Variants in RAB11FIP3 observed in about 807,000 individuals in gnomAD.
RAB11FIP3 encodes the protein RAB11 family interacting protein 3.
RAB11FIP3 carries 17 observed loss-of-function variants against 77.8 expected under a neutral mutation model. The observed-to-expected ratio is 0.22, with a 90% CI of 0.15 to 0.33. The LOEUF (loss-of-function observed/expected upper bound fraction) is 0.33, where lower values mean the gene tolerates loss of function less well. RAB11FIP3 is among the 10% of genes least tolerant of loss of function. The probability of loss-of-function intolerance (pLI) is 1.00; values close to 1 mark genes in which losing one functional copy is unlikely to be tolerated. For missense variants in RAB11FIP3, 1,005 were observed against 1,011.2 expected, an observed-to-expected ratio of 0.99 and a Z score of 0.08; for synonymous variants, 437 against 448.2, an observed-to-expected ratio of 0.98 and a Z score of 0.31.
rs1401650857 is a variant in RAB11FIP3, at chr16:467,503, C to A, written c.809-3792C>A. Among the ~76,000 whole-genome samples the A allele has an allele frequency of 2.7e-4, 34 of 127,500 alleles. No individual in the cohort carries two copies. The South Asian group carries it at 3.2e-3, about 12-fold the overall frequency. 83.6% of individuals were successfully genotyped at this position (127,500 alleles called of 152,430 possible). ...GGACGTCAGGGAGGAGGTGCAGGGG[C>A]GTCAGGGAGGAGGTGCGGGGGCGTC... On this transcript the variant is annotated intron_variant, in intron 2 of 13. Coordinates refer to ENST00000262305, the MANE Select transcript of RAB11FIP3 (RefSeq NM_014700.4).
At chr16:445,113 CAAAAAA>C (rs56706849) in intron 1 of RAB11FIP3, among the ~76,000 whole-genome samples, 1 of 70,828 alleles carries the variant, frequency 1.4e-5, no homozygotes, top group East Asian at 4.1e-4. Context: ...GACTCTGTCT[CAAAAAA>C]AAAAAAAAAA....
intron 5 of RAB11FIP3, among the ~76,000 whole-genome samples, chr16:495,533 G>C (rs533154728): frequency 9.8e-5 from 15 of 152,356 alleles, no homozygotes; most frequent in South Asian, 4.1e-4. Flanking sequence ...GAGACTGCAG[G>C]TGTCGGAGGG....
intron 3 of RAB11FIP3, among the ~76,000 whole-genome samples, chr16:479,662 C>A (rs1458956686): frequency 6.6e-6 from 1 of 152,184 alleles, no homozygotes; most frequent in Non-Finnish European, 1.5e-5. Context: ...GTAGCTCACA[C>A]CCATAGTTCT....
chr16:518,361 G>A (rs955442448), intron 9 of RAB11FIP3, among the ~76,000 whole-genome samples: 4 of 152,178 alleles, frequency 2.6e-5, no homozygotes, highest in Admixed American at 1.3e-4. Context: ...GATTACAGGC[G>A]TAAGCCACTG....
chr16:488,709 C>A, intron 4 of RAB11FIP3, 142 bp from the exon 5 acceptor site: 1 of 668,880 alleles, frequency 1.5e-6, no homozygotes, highest in Non-Finnish European at 2.2e-6. Flanking sequence ...GCATCCAGCC[C>A]ACTTTTTTTT....
rs1282803444 is a variant in RAB11FIP3 at position 426,108 on chromosome 16, G to C, written c.102G>C (p.Pro34=). Residue 34 remains proline (P), a synonymous_variant, in exon 1 of 14, where the codon CCG becomes CCC. Transcript: ENST00000262305. The surrounding 1 kb of genome is among the most constrained non-coding windows in gnomAD (Gnocchi z 5.0). ...PDGPGAAQLA[P]GPAELRLGAP... is the part of the protein sequence containing the mutation. ...GGCCGGGGGCGGCACAACTGGCTCC[G>C]GGCCCTGCGGAGCTACGCCTCGGAG... 1.9e-5 allele frequency: 19 copies of C among 1,005,614 alleles called. No individual in the cohort carries two copies. The highest frequency in any genetic ancestry group is 2.2e-5 in the Non-Finnish European group (19 of 844,878). 62.3% of individuals were successfully genotyped at this position (1,005,614 alleles called of 1,614,324 possible). A position where few individuals can be genotyped will look rare whatever the true frequency, so the allele number is the denominator to read the frequency against.
At chr16:431,050 A>C (rs2055027126) in intron 1 of RAB11FIP3, among the ~76,000 whole-genome samples, 1 of 151,888 alleles carries the variant, frequency 6.6e-6, no homozygotes, top group Non-Finnish European at 1.5e-5. Context: ...ATTTGAGTGA[A>C]AGTGTGTGTG....
At chr16:455,844 G>A (rs1439048602) in intron 1 of RAB11FIP3, among the ~76,000 whole-genome samples, 1 of 152,150 alleles carries the variant, frequency 6.6e-6, no homozygotes, top group African/African-American at 2.4e-5. Context: ...ATCCGCCTTG[G>A]CATTTCAAAA....
chr16:496,688 C>A, intron 5 of RAB11FIP3, 136 bp from the exon 6 acceptor site: 2 of 811,926 alleles, frequency 2.5e-6, no homozygotes, highest in South Asian at 1.4e-5. Context: ...CATGGACTTG[C>A]CTGGGGGGCC....
At chr16:467,416 CTCAGGGAGGAGGTGCTGGGACG>C (rs1167036662) in intron 2 of RAB11FIP3, among the ~76,000 whole-genome samples, 37 of 144,168 alleles carry the variant, frequency 2.6e-4, no homozygotes, top group South Asian at 1.3e-3. Context: ...GTGCAGTAGC[CTCAGGGAGGAGGTGCTGGGACG>C]TCAGGGAGGA....
intron 10 of RAB11FIP3, 33 bp downstream of exon 10, chr16:519,057 T>C: frequency 6.2e-7 from 1 of 1,605,334 alleles, no homozygotes; most frequent in Non-Finnish European, 8.5e-7. Flanking sequence ...CTGTGGCCAG[T>C]GGGGCCAGCC....
At chr16:486,686 C>CATGTGGGCCTTCTCTCAGTGTGAT (rs2056161448) in intron 4 of RAB11FIP3, among the ~76,000 whole-genome samples, 2 of 151,978 alleles carry the variant, frequency 1.3e-5, no homozygotes, top group Non-Finnish European at 2.9e-5. Context: ...CTCAGTGTGA[C>CATGTGGGCCTTCTCTCAGTGTGAT]GTTGCATGTG....
chr16:470,559 G>A (rs1420150782), intron 2 of RAB11FIP3, among the ~76,000 whole-genome samples: 4 of 152,232 alleles, frequency 2.6e-5, no homozygotes, highest in Non-Finnish European at 4.4e-5. Context: ...GAGACAGTGT[G>A]AAGACACCTA....
chr16:434,932 G>A (rs2055103779), intron 1 of RAB11FIP3, among the ~76,000 whole-genome samples: 1 of 152,050 alleles, frequency 6.6e-6, no homozygotes, highest in South Asian at 2.1e-4. Context: ...TAGACCAGGC[G>A]CGGTGGCTCA....
chr16:492,517 T>TC (rs1555505363), intron 5 of RAB11FIP3, among the ~76,000 whole-genome samples: 710 of 6,586 alleles, frequency 0.11, 51 homozygotes, highest in South Asian at 0.19. Context: ...CCCAGGGCCC[T>TC]CCCGGGAGAC....
rs772502625 is a variant in RAB11FIP3 at position 482,561 on chromosome 16, G to C, written c.940G>C (p.Glu314Gln). The C allele has an allele frequency of 6.2e-7, 1 of 1,613,502 alleles. No individual in the cohort carries two copies. Among genetic ancestry groups the C allele is most frequent in the Admixed American group, 1.7e-5 (1 of 60,010 alleles). ...GACGGACAGCGCGTACATGGGCTCC[G>C]AGAGCACCTACAGTGAGTGTGAGAC... ...EVTDSAYMGSESTYSECETFT... is the reference protein window; with the variant it reads ...EVTDSAYMGSQSTYSECETFT... Residue 314 changes from glutamate (E) to glutamine (Q), a missense_variant, in exon 4 of 14, where the codon GAG (glutamate) becomes CAG (glutamine). Transcript: ENST00000262305.
chr16:434,941 C>T (rs1436474655), intron 1 of RAB11FIP3, among the ~76,000 whole-genome samples: 1 of 152,144 alleles, frequency 6.6e-6, no homozygotes, highest in Non-Finnish European at 1.5e-5. Flanking sequence ...CGCGGTGGCT[C>T]ACGCCTGTAA....
In RAB11FIP3 at chr16:507,466, C is replaced by CA. The variant is rs1429291725; in HGVS notation, c.1499+1842dup. Reference sequence around the variant, plus strand: ...CTTGCCATGTTGCCCATGCTGGTCTCAAACGCCTGGCCTCAAGCGATCCTC... The same window carrying CA: ...CTTGCCATGTTGCCCATGCTGGTCTCAAAACGCCTGGCCTCAAGCGATCCTC... On this transcript the variant is annotated intron_variant, in intron 8 of 13. Coordinates refer to ENST00000262305, the MANE Select transcript of RAB11FIP3 (RefSeq NM_014700.4). The surrounding 1 kb of genome is among the most constrained non-coding windows in gnomAD (Gnocchi z 4.6). Among the ~76,000 whole-genome samples, 7 of 152,208 alleles carry CA rather than the reference C, an allele frequency of 4.6e-5. No individual in the cohort carries two copies. The highest frequency in any genetic ancestry group is 3.9e-4 in the Admixed American group (6 of 15,284).
rs1260271367 is a variant in RAB11FIP3 at position 441,760 on chromosome 16, G to C, written c.714+15040G>C. On this transcript the variant is annotated intron_variant, in intron 1 of 13. Coordinates refer to ENST00000262305, the MANE Select transcript of RAB11FIP3 (RefSeq NM_014700.4). The stretch of plus-strand genomic sequence containing the variant: ...CTTCTGTGACATAATAACAGCCTTT[G>C]AGTGACTGATACTTTTGATTTGTCT... Among the ~76,000 whole-genome samples the C allele has an allele frequency of 2.0e-5, 3 of 152,302 alleles. No homozygotes were observed. The East Asian group carries it at 5.8e-4, about 29-fold the overall frequency.
Sources: allele counts gnomAD v4.1 joint callset (sites outside exome capture counted in the v4.1 genomes callset), GRCh38; gene constraint gnomAD v4.1.1; non-coding constraint Gnocchi (gnomAD v3.1); transcripts MANE v1.5; gene names NCBI Gene and HGNC (gene_info 2026-07-23, HGNC 2026-07-21).